The following GALNT18 variants were observed in gnomAD, a reference collection of about 807,000 sequenced individuals.
GALNT18 encodes the protein GalNAc-transferase 18.
GALNT18 carries 44 observed loss-of-function variants against 69.5 expected under a neutral mutation model. The observed-to-expected ratio is 0.63, with a 90% CI of 0.50 to 0.81. GALNT18 has a LOEUF of 0.81. Ranked by LOEUF, GALNT18 falls within the 40% of genes least tolerant of loss-of-function variation. The pLI, the probability that GALNT18 is intolerant of heterozygous loss-of-function variation, is 0.00. For synonymous variants in GALNT18, 364 were observed against 318.2 expected (o/e 1.14, Z -1.53); for missense variants, 715 against 810.0 (o/e 0.88, Z 1.42).
At chr11:11,419,294 T>C (rs1854938924) in intron 3 of GALNT18, among the ~76,000 whole-genome samples, 1 of 152,034 alleles carries the variant, frequency 6.6e-6, no homozygotes, top group African/African-American at 2.4e-5. Context: ...TTTCAATCCT[T>C]TATTAGAAAC....
At chr11:11,423,858 C>T (rs1564941571) in intron 3 of GALNT18, among the ~76,000 whole-genome samples, 1 of 152,214 alleles carries the variant, frequency 6.6e-6, no homozygotes, top group Non-Finnish European at 1.5e-5. Flanking sequence ...GGTAATGGTC[C>T]ATACCACCAT....
chr11:11,500,918 G>A lies in GALNT18; in HGVS notation c.236-51982C>T, dbSNP rs1856960694. Among the ~76,000 whole-genome samples the A allele has an allele frequency of 6.6e-6, 1 of 152,210 alleles. No individual in the cohort carries two copies. The highest frequency in any genetic ancestry group is 1.5e-5 in the Non-Finnish European group (1 of 68,044). On this transcript the variant is annotated intron_variant, in intron 1 of 10. Transcript: ENST00000227756. The surrounding 1 kb of genome is among the most constrained non-coding windows in gnomAD (Gnocchi z 5.0). ...GGGCAGCCAGGTGCACAGCAGGGATGCACCTCAGGCCGATTTGCTAGCTGA... is the reference window on the plus strand; with the variant it reads ...GGGCAGCCAGGTGCACAGCAGGGATACACCTCAGGCCGATTTGCTAGCTGA...
chr11:11,332,759 G>A lies in GALNT18; in HGVS notation c.1351C>T (p.Arg451Trp), dbSNP rs376689514. 29 of 1,613,906 alleles carry A rather than the reference G, an allele frequency of 1.8e-5. No individual in the cohort carries two copies. The highest frequency in any genetic ancestry group is 8.9e-5 in the East Asian group (4 of 44,886). Residue 451 changes from arginine to tryptophan, a missense_variant, in exon 8 of 11, where the codon CGG (arginine) becomes TGG (tryptophan). By Grantham distance (101) the Arg-to-Trp change is moderately radical. Transcript: ENST00000227756. The surrounding 1 kb of genome is among the most constrained non-coding windows in gnomAD (Gnocchi z 4.3). ...LRKQLQCKTF[R>W]WYLVSVYPEM... is the part of the protein sequence containing the mutation. Reference sequence around the variant, plus strand: ...GGGTACACGCTGACCAGGTACCACCGGAAGGTCTTGCACTGCAGCTGTTTC... The same window carrying A: ...GGGTACACGCTGACCAGGTACCACCAGAAGGTCTTGCACTGCAGCTGTTTC...
rs556060200 is a variant in GALNT18, at chr11:11,605,017, T to C, written c.235+16342A>G. ...TTTTTCCCCTATGTCTACTATGCCCTCTTCCACGCTACTGCCTAAATGACT... is the reference window on the plus strand; with the variant it reads ...TTTTTCCCCTATGTCTACTATGCCCCCTTCCACGCTACTGCCTAAATGACT... On this transcript the variant is annotated intron_variant, in intron 1 of 10. Transcript: ENST00000227756. This position sits in a 1 kb window ranked among gnomAD's most constrained non-coding sequence, Gnocchi z 4.7. Among the ~76,000 whole-genome samples the C allele has an allele frequency of 7.9e-5, 12 of 152,338 alleles. No individual in the cohort carries two copies. In the East Asian group the frequency reaches 2.3e-3, roughly 29 times the overall value.
intron 10 of GALNT18, among the ~76,000 whole-genome samples, chr11:11,285,687 T>G (rs1429568639): frequency 6.6e-6 from 1 of 152,216 alleles, no homozygotes; most frequent in Non-Finnish European, 1.5e-5. Flanking sequence ...ACTCGATTAT[T>G]GTCTTTTCAA....
chr11:11,545,918 C>G (rs955521297), intron 1 of GALNT18, among the ~76,000 whole-genome samples: 1 of 152,200 alleles, frequency 6.6e-6, no homozygotes, highest in Non-Finnish European at 1.5e-5. Context: ...AGAGCATCAA[C>G]TAGCATGCAA....
chr11:11,400,099 C>G (rs1854425932), intron 3 of GALNT18, among the ~76,000 whole-genome samples: 3 of 152,160 alleles, frequency 2.0e-5, no homozygotes, highest in Non-Finnish European at 4.4e-5. Context: ...AAAAACCATT[C>G]CAGCTTGGAC....
intron 2 of GALNT18, among the ~76,000 whole-genome samples, chr11:11,440,933 T>C (rs1255627386): frequency 6.6e-6 from 1 of 152,206 alleles, no homozygotes; most frequent in Non-Finnish European, 1.5e-5. Flanking sequence ...GTCACCCAGC[T>C]TATAAATGAG....
rs1859122248 is a variant in GALNT18, at chr11:11,582,941, C to A, written c.235+38418G>T. 6.6e-6 allele frequency among the ~76,000 whole-genome samples: 1 copy of A among 152,176 alleles called. No individual in the cohort carries two copies. The highest frequency in any genetic ancestry group is 1.5e-5 in the Non-Finnish European group (1 of 68,026). ...CACAGAAGTGGTTGTCATGGTCCTG[C>A]AGAGAGGAAGATCTAAGATTTCCCT... On this transcript the variant is annotated intron_variant, in intron 1 of 10. Transcript: ENST00000227756. This position sits in a 1 kb window ranked among gnomAD's most constrained non-coding sequence, Gnocchi z 5.0.
intron 6 of GALNT18, among the ~76,000 whole-genome samples, chr11:11,351,313 C>A (rs1307496954): frequency 6.6e-6 from 1 of 152,158 alleles, no homozygotes; most frequent in African/African-American, 2.4e-5. Context: ...GTGAAGCTAG[C>A]CAGGGTGGTA....
chr11:11,487,251 G>C (rs1241231503), intron 1 of GALNT18, among the ~76,000 whole-genome samples: 1 of 152,096 alleles, frequency 6.6e-6, no homozygotes, highest in African/African-American at 2.4e-5. Context: ...TGGACTTTGG[G>C]GGCTCAGGGA....
Position 11,469,802 on chromosome 11 carries a change from A to C in GALNT18, c.236-20866T>G, listed in dbSNP as rs1183563460. Among the ~76,000 whole-genome samples the C allele has an allele frequency of 6.6e-6, 1 of 152,158 alleles. No homozygotes were observed. The highest frequency in any genetic ancestry group is 1.5e-5 in the Non-Finnish European group (1 of 68,034). ...CTTTTCCAAAGGTATTTAGGGGCTC[A>C]GGTGGCAGTTAGACATGGGGCCTTT... On this transcript the variant is annotated intron_variant, in intron 1 of 10. Transcript: ENST00000227756. This position sits in a 1 kb window ranked among gnomAD's most constrained non-coding sequence, Gnocchi z 4.2.
At chr11:11,574,088 T>C (rs1478232313) in intron 1 of GALNT18, among the ~76,000 whole-genome samples, 1 of 152,136 alleles carries the variant, frequency 6.6e-6, no homozygotes, top group Non-Finnish European at 1.5e-5. Flanking sequence ...GCAAGTCAAT[T>C]ATTGTAGGTA....
chr11:11,352,997 C>T, intron 6 of GALNT18: 4 of 1,614,132 alleles, frequency 2.5e-6, no homozygotes, highest in Non-Finnish European at 3.4e-6. Flanking sequence ...ATTTTCGAAC[C>T]AGCTGGTAGT....
chr11:11,462,716 C>G (rs1471230342), intron 1 of GALNT18, among the ~76,000 whole-genome samples: 10 of 152,134 alleles, frequency 6.6e-5, no homozygotes, highest in African/African-American at 1.7e-4. Context: ...TTACACAGGG[C>G]CTGGTGGCTT....
chr11:11,548,336 T>TAA (rs547822584), intron 1 of GALNT18, among the ~76,000 whole-genome samples: 1 of 151,986 alleles, frequency 6.6e-6, no homozygotes, highest in African/African-American at 2.4e-5. Flanking sequence ...CTGCAGTAGG[T>TAA]AGAAAAAAGA....
At chr11:11,609,394 C>T (rs1353893410) in intron 1 of GALNT18, among the ~76,000 whole-genome samples, 5 of 152,234 alleles carry the variant, frequency 3.3e-5, no homozygotes, top group African/African-American at 4.8e-5. Context: ...CCGCCTGGCA[C>T]TCTCTTCCTC....
chr11:11,507,903 C>T (rs938065938), intron 1 of GALNT18, among the ~76,000 whole-genome samples: 28 of 152,218 alleles, frequency 1.8e-4, no homozygotes, highest in African/African-American at 6.8e-4. Context: ...ACATCTTTCT[C>T]CCATGCTGGA....
intron 10 of GALNT18, among the ~76,000 whole-genome samples, chr11:11,278,521 G>T (rs932254550): frequency 6.6e-6 from 1 of 151,848 alleles, no homozygotes; most frequent in South Asian, 2.1e-4. Flanking sequence ...AAAAAAAAAA[G>T]GGAGATTGTT....
Sources: allele counts gnomAD v4.1 joint callset (sites outside exome capture counted in the v4.1 genomes callset), GRCh38; gene constraint gnomAD v4.1.1; non-coding constraint Gnocchi (gnomAD v3.1); transcripts MANE v1.5; gene names NCBI Gene and HGNC (gene_info 2026-07-23, HGNC 2026-07-21).